The following CNTNAP5 variants were observed in gnomAD, a reference collection of about 807,000 sequenced individuals.
CNTNAP5 encodes contactin-associated protein-like 5.
In CNTNAP5, 72 loss-of-function variants were observed where a neutral mutation model predicts 150.2. That is an observed-to-expected ratio of 0.48 (90% CI 0.40 to 0.58). The LOEUF is 0.58. CNTNAP5 is among the 20% of genes least tolerant of loss of function. The probability of loss-of-function intolerance (pLI) is 0.00; values close to 1 mark genes in which losing one functional copy is unlikely to be tolerated. For synonymous variants in CNTNAP5, 672 were observed against 619.8 expected, an observed-to-expected ratio of 1.08 and a Z score of -1.25; for missense variants, 1,636 against 1,626.2, an observed-to-expected ratio of 1.01 and a Z score of -0.10.
intron 8 of CNTNAP5, among the ~76,000 whole-genome samples, chr2:124,520,683 A>G (rs1435808152): frequency 6.6e-6 from 1 of 152,082 alleles, no homozygotes; most frequent in East Asian, 1.9e-4. Context: ...TTAGTGCCCC[A>G]TATTGGCCCT....
At chr2:124,408,508 T>C (rs1051591336) in intron 3 of CNTNAP5, among the ~76,000 whole-genome samples, 47 of 152,124 alleles carry the variant, frequency 3.1e-4, no homozygotes, top group Non-Finnish European at 5.3e-4. Context: ...AAGAGAGCAG[T>C]GGTTCTCCCA....
intron 3 of CNTNAP5, among the ~76,000 whole-genome samples, chr2:124,381,544 A>C (rs1690796130): frequency 6.6e-6 from 1 of 152,094 alleles, no homozygotes; most frequent in African/African-American, 2.4e-5. Flanking sequence ...CCCCCCCTCC[A>C]AGACTGCACA....
intron 3 of CNTNAP5, among the ~76,000 whole-genome samples, chr2:124,285,192 T>C (rs1244393426): frequency 1.3e-5 from 2 of 152,300 alleles, no homozygotes; most frequent in East Asian, 3.9e-4. Context: ...ATAGTTATTA[T>C]CCGAATACCT....
intron 4 of CNTNAP5, among the ~76,000 whole-genome samples, chr2:124,419,153 A>ACAAAAAAAAC (rs1476584482): frequency 3.5e-4 from 27 of 76,420 alleles, no homozygotes; most frequent in East Asian, 3.0e-3. Flanking sequence ...AAAAAAAAAA[A>ACAAAAAAAAC]AAAAAAAAAA....
intron 18 of CNTNAP5, among the ~76,000 whole-genome samples, chr2:124,791,070 ACAAT>A (rs1046277563): frequency 2.6e-5 from 4 of 152,228 alleles, no homozygotes; most frequent in Non-Finnish European, 4.4e-5. Context: ...TTGCAAACAA[ACAAT>A]CAGAGCAATG....
chr2:124,263,437 T>A (rs1687516247), intron 3 of CNTNAP5, among the ~76,000 whole-genome samples: 1 of 152,226 alleles, frequency 6.6e-6, no homozygotes, highest in Non-Finnish European at 1.5e-5. Flanking sequence ...TTTGGCTGCA[T>A]AAAGACGTCT....
Position 124,293,364 on chromosome 2 carries a change from C to T in CNTNAP5, c.381+50971C>T, listed in dbSNP as rs116360431. Among the ~76,000 whole-genome samples the T allele has an allele frequency of 2.2e-3, 340 of 152,104 alleles. 1 individual carries two copies. The highest frequency in any genetic ancestry group is 7.9e-3 in the African/African-American group (329 of 41,518). On this transcript the variant is annotated intron_variant, in intron 3 of 23. Transcript: ENST00000682447. ...TTACAAAAATTTCAAAACTGAATTG[C>T]ATTGAATAGTATTCTCTGAATATCA...
In CNTNAP5 at chr2:124,902,752, G is replaced by A. The variant is rs969420879; in HGVS notation, c.3437-130G>A. On this transcript the variant is annotated intron_variant, in intron 21 of 23. Transcript: ENST00000682447. ...AGGAGATAAAGAGAGATAGATAGGG[G>A]AGGGTTTTCTTTACTCAAACAATAA... 5 of 568,328 alleles carry A rather than the reference G, an allele frequency of 8.8e-6. No individual in the cohort carries two copies. In the African/African-American group the frequency reaches 9.3e-5, roughly 11 times the overall value. The allele number at this position is 568,328 out of a possible 1,614,324, so 35.2% of individuals were successfully genotyped here. A position where few individuals can be genotyped will look rare whatever the true frequency, so the allele number is the denominator to read the frequency against.
At chr2:124,145,843 A>AAAAT (rs1553441883) in intron 1 of CNTNAP5, among the ~76,000 whole-genome samples, 2,562 of 143,704 alleles carry the variant, frequency 0.018, 123 homozygotes, top group Admixed American at 0.1. Context: ...AAAAAAAAAA[A>AAAAT]AAATAAAATA....
In CNTNAP5 at chr2:124,110,946, C is replaced by T. The variant is rs149474785; in HGVS notation, c.82+85214C>T. ...CAGGTGAAGAGCCCAAGTTCATTATCGATTCACAAGTGAGGCTCCTCTGAT... is the reference window on the plus strand; with the variant it reads ...CAGGTGAAGAGCCCAAGTTCATTATTGATTCACAAGTGAGGCTCCTCTGAT... On this transcript the variant is annotated intron_variant, in intron 1 of 23. Coordinates refer to ENST00000682447, the MANE Select transcript of CNTNAP5 (RefSeq NM_001367498.1). Among the ~76,000 whole-genome samples the T allele has an allele frequency of 7.6e-3, 1,159 of 152,242 alleles. 10 individuals are homozygous for T. Among genetic ancestry groups the T allele is most frequent in the African/African-American group, 0.026 (1,081 of 41,558 alleles).
chr2:124,114,648 A>G (rs1683381905), intron 1 of CNTNAP5, among the ~76,000 whole-genome samples: 1 of 151,834 alleles, frequency 6.6e-6, no homozygotes, highest in African/African-American at 2.4e-5. Context: ...CCTTCAGTAC[A>G]ATGCTCAGTA....
At chr2:124,181,385 A>G (rs1262005196) in intron 1 of CNTNAP5, among the ~76,000 whole-genome samples, 2 of 152,128 alleles carry the variant, frequency 1.3e-5, no homozygotes, top group African/African-American at 4.8e-5. Context: ...AACATAGTAT[A>G]TTAAGCATCA....
chr2:124,385,038 G>A (rs1447538306), intron 3 of CNTNAP5, among the ~76,000 whole-genome samples: 1 of 152,184 alleles, frequency 6.6e-6, no homozygotes, highest in Non-Finnish European at 1.5e-5. Flanking sequence ...CAAGTGATGG[G>A]AGGTCACTTT....
intron 19 of CNTNAP5, among the ~76,000 whole-genome samples, chr2:124,839,098 C>A (rs1043012217): frequency 6.6e-6 from 1 of 151,996 alleles, no homozygotes; most frequent in African/African-American, 2.4e-5. Context: ...AGAAGGCTCC[C>A]CTGGTGAGCT....
intron 1 of CNTNAP5, among the ~76,000 whole-genome samples, chr2:124,062,600 A>G (rs1447255798): frequency 6.6e-6 from 1 of 152,172 alleles, no homozygotes; most frequent in African/African-American, 2.4e-5. Flanking sequence ...CGGGCTCCAG[A>G]GCATAGTAGA....
chr2:124,164,494 C>T (rs1684763538), intron 1 of CNTNAP5, among the ~76,000 whole-genome samples: 1 of 152,138 alleles, frequency 6.6e-6, no homozygotes, highest in Admixed American at 6.6e-5. Flanking sequence ...TTCTTTCCTC[C>T]TGAAATAATA....
chr2:124,671,361 C>T (rs1678820748), intron 13 of CNTNAP5, among the ~76,000 whole-genome samples: 1 of 152,138 alleles, frequency 6.6e-6, no homozygotes, highest in African/African-American at 2.4e-5. Context: ...CATTTTTGCT[C>T]CTGAGCTGAG....
chr2:124,315,946 C>T (rs1688948290), intron 3 of CNTNAP5, among the ~76,000 whole-genome samples: 2 of 152,166 alleles, frequency 1.3e-5, no homozygotes, highest in Admixed American at 6.6e-5. Flanking sequence ...TTCCTACCTG[C>T]TGATGTAAGT....
At chr2:124,248,141 A>T (rs1687076724) in intron 3 of CNTNAP5, among the ~76,000 whole-genome samples, 1 of 152,142 alleles carries the variant, frequency 6.6e-6, no homozygotes, top group Non-Finnish European at 1.5e-5. Flanking sequence ...GAGGCTTTTG[A>T]TTACGATCTG....
Sources: allele counts gnomAD v4.1 joint callset (sites outside exome capture counted in the v4.1 genomes callset), GRCh38; gene constraint gnomAD v4.1.1; transcripts MANE v1.5; gene names NCBI Gene and HGNC (gene_info 2026-07-23, HGNC 2026-07-21).